Variants in CNTNAP2 observed in about 807,000 individuals in gnomAD.
CNTNAP2 encodes contactin associated protein 2, also known as contactin-associated protein-like 2.
In CNTNAP2, 98 loss-of-function variants were observed where a neutral mutation model predicts 155.2. The ratio of observed to expected loss-of-function variants is 0.63; its 90% confidence interval spans 0.54 to 0.75. CNTNAP2 has a LOEUF of 0.75. Ranked by LOEUF, CNTNAP2 falls within the 30% of genes least tolerant of loss-of-function variation. CNTNAP2 has a pLI of 0.00. For synonymous variants in CNTNAP2, 651 were observed against 631.2 expected, an observed-to-expected ratio of 1.03 and a Z score of -0.47; for missense variants, 1,727 against 1,688.1, an observed-to-expected ratio of 1.02 and a Z score of -0.40.
chr7:147,354,568 G>A (rs539670281), intron 9 of CNTNAP2, among the ~76,000 whole-genome samples: 1 of 152,208 alleles, frequency 6.6e-6, no homozygotes, highest in South Asian at 2.1e-4. Flanking sequence ...GCCAGGTAGT[G>A]TGATGGTTAC....
chr7:148,342,835 T>C (rs1798258500), intron 21 of CNTNAP2, among the ~76,000 whole-genome samples: 1 of 152,240 alleles, frequency 6.6e-6, no homozygotes, highest in Non-Finnish European at 1.5e-5. Context: ...TCAGTGAAAA[T>C]GCTAATCCTA....
intron 3 of CNTNAP2, among the ~76,000 whole-genome samples, chr7:146,919,428 A>G (rs1235878943): frequency 3.9e-5 from 6 of 152,212 alleles, no homozygotes; most frequent in South Asian, 4.2e-4. Flanking sequence ...GCTTCCTGAG[A>G]GCCAAACTGC....
chr7:146,839,326 T>C (rs1562968576), intron 2 of CNTNAP2, among the ~76,000 whole-genome samples: 1 of 152,172 alleles, frequency 6.6e-6, no homozygotes, highest in African/African-American at 2.4e-5. Context: ...ATTTATTAAA[T>C]GATAAAGTTT....
At chr7:147,701,703 G>A (rs1027505142) in intron 13 of CNTNAP2, among the ~76,000 whole-genome samples, 1 of 152,010 alleles carries the variant, frequency 6.6e-6, no homozygotes, top group African/African-American at 2.4e-5. Context: ...TAGAATATTC[G>A]TTAACAGGAG....
chr7:147,180,999 T>G (rs1283374470), intron 8 of CNTNAP2, among the ~76,000 whole-genome samples: 1 of 152,148 alleles, frequency 6.6e-6, no homozygotes, highest in Middle Eastern at 3.2e-3. Flanking sequence ...AAATAAATTA[T>G]AGCTTAAAAT....
chr7:147,667,602 C>T (rs1324276827), intron 13 of CNTNAP2, among the ~76,000 whole-genome samples: 2 of 152,078 alleles, frequency 1.3e-5, no homozygotes, highest in Admixed American at 1.3e-4. Flanking sequence ...TGGAGAATAA[C>T]ATACCTTTCA....
At chr7:147,140,881 G>A (rs1801578338) in intron 8 of CNTNAP2, among the ~76,000 whole-genome samples, 1 of 152,124 alleles carries the variant, frequency 6.6e-6, no homozygotes, top group South Asian at 2.1e-4. Flanking sequence ...TGCTCCCTCA[G>A]ATCTGCTGAG....
At chr7:146,313,029 A>G (rs968767617) in intron 1 of CNTNAP2, among the ~76,000 whole-genome samples, 1 of 152,172 alleles carries the variant, frequency 6.6e-6, no homozygotes, top group Non-Finnish European at 1.5e-5. Context: ...GGGAATGCCG[A>G]TATCTCCTTG....
chr7:148,412,782 T>C (rs1799872467), intron 23 of CNTNAP2, among the ~76,000 whole-genome samples: 1 of 152,218 alleles, frequency 6.6e-6, no homozygotes, highest in African/African-American at 2.4e-5. Flanking sequence ...GTTAGGGGAA[T>C]GTGTTTGATC....
At chr7:146,599,402 T>G (rs1482764031) in intron 1 of CNTNAP2, among the ~76,000 whole-genome samples, 2 of 152,070 alleles carry the variant, frequency 1.3e-5, no homozygotes, top group Non-Finnish European at 2.9e-5. Flanking sequence ...TCTAACATGG[T>G]CTGGGATCCC....
intron 12 of CNTNAP2, among the ~76,000 whole-genome samples, chr7:147,609,242 A>T (rs541889964): frequency 9.9e-5 from 15 of 152,246 alleles, no homozygotes; most frequent in South Asian, 2.1e-4. Flanking sequence ...CCCTTTAAGA[A>T]GGTGGTGGGC....
chr7:146,725,810 G>A (rs1585061003), intron 1 of CNTNAP2, among the ~76,000 whole-genome samples: 1 of 152,150 alleles, frequency 6.6e-6, no homozygotes, highest in Middle Eastern at 3.4e-3. Context: ...CAACCAATTA[G>A]CAAGCTCCCA....
At chr7:147,141,425 G>A (rs555246140) in intron 8 of CNTNAP2, among the ~76,000 whole-genome samples, 1 of 152,138 alleles carries the variant, frequency 6.6e-6, no homozygotes, top group South Asian at 2.1e-4. Context: ...TGGCTATCAT[G>A]GATTGAGTTC....
chr7:147,978,877 T>G (rs902261312), intron 15 of CNTNAP2, among the ~76,000 whole-genome samples: 3 of 152,106 alleles, frequency 2.0e-5, no homozygotes, highest in African/African-American at 7.2e-5. Flanking sequence ...CCCTCCATTG[T>G]CTTAGCTGTG....
chr7:146,293,871 G>A (rs1800471162), intron 1 of CNTNAP2, among the ~76,000 whole-genome samples: 1 of 152,092 alleles, frequency 6.6e-6, no homozygotes, highest in South Asian at 2.1e-4. Flanking sequence ...TAATGTAAAA[G>A]TGGTTCTTTT....
intron 14 of CNTNAP2, among the ~76,000 whole-genome samples, chr7:147,950,864 A>G (rs1185900083): frequency 6.6e-6 from 1 of 152,230 alleles, no homozygotes; most frequent in Admixed American, 6.5e-5. Flanking sequence ...GTGAAGGTCA[A>G]GAGAAATCCG....
intron 13 of CNTNAP2, among the ~76,000 whole-genome samples, chr7:147,833,970 CA>C (rs35422413): frequency 0.011 from 1,695 of 152,240 alleles, 95 homozygotes; most frequent in Admixed American, 0.091. Flanking sequence ...AAGACAGATT[CA>C]GAAGTCATGG....
intron 9 of CNTNAP2, among the ~76,000 whole-genome samples, chr7:147,326,814 C>T (rs1329240975): frequency 6.6e-6 from 1 of 152,206 alleles, no homozygotes; most frequent in Non-Finnish European, 1.5e-5. Flanking sequence ...TCCTCACTTA[C>T]CCTTGGCTTT....
intron 1 of CNTNAP2, among the ~76,000 whole-genome samples, chr7:146,608,213 T>C (rs1310408825): frequency 6.6e-6 from 1 of 152,206 alleles, no homozygotes; most frequent in African/African-American, 2.4e-5. Context: ...TACAGTCCTA[T>C]TGAAGATATT....
Sources: gnomAD v4.1 joint callset for allele counts (sites outside exome capture counted in the v4.1 genomes callset) on GRCh38, gnomAD v4.1.1 for gene constraint, MANE v1.5 for transcripts, NCBI Gene and HGNC (gene_info 2026-07-23, HGNC 2026-07-21) for gene names.